NR6A1: variants seen among roughly 807,000 people sequenced by gnomAD.
The protein encoded by NR6A1 is nuclear receptor subfamily 6 group A member 1.
Under a neutral mutation model 59.1 loss-of-function variants are expected in NR6A1, and 7 were observed. That is an observed-to-expected ratio of 0.12 (90% CI 0.07 to 0.22). The LOEUF (loss-of-function observed/expected upper bound fraction) is 0.22. NR6A1 is among the 10% of genes least tolerant of loss of function. The pLI is 1.00. For missense variants in NR6A1, 468 were observed against 611.6 expected, an observed-to-expected ratio of 0.77 and a Z score of 2.48; for synonymous variants, 243 against 236.1, an observed-to-expected ratio of 1.03 and a Z score of -0.27.
chr9:124,686,773 G>A (rs530186917), intron 2 of NR6A1, among the ~76,000 whole-genome samples: 7 of 150,078 alleles, frequency 4.7e-5, no homozygotes, highest in Admixed American at 1.3e-4. Context: ...GCACAAACAC[G>A]GCTGACTGCA....
At chr9:124,684,867 G>A (rs933188907) in intron 2 of NR6A1, among the ~76,000 whole-genome samples, 1 of 152,062 alleles carries the variant, frequency 6.6e-6, no homozygotes, top group African/African-American at 2.4e-5. Flanking sequence ...CCAAATCCAA[G>A]TCAATGGTCC....
chr9:124,661,583 T>C (rs1258417014), intron 2 of NR6A1, among the ~76,000 whole-genome samples: 1 of 152,240 alleles, frequency 6.6e-6, no homozygotes, highest in Non-Finnish European at 1.5e-5. Context: ...TTCTAATCTA[T>C]TTGGTCCCAT....
intron 2 of NR6A1, among the ~76,000 whole-genome samples, chr9:124,564,308 A>G (rs983478512): frequency 1.3e-5 from 2 of 152,232 alleles, no homozygotes; most frequent in Non-Finnish European, 2.9e-5. Context: ...GAGACTGGAT[A>G]TAACACAAGG....
At chr9:124,593,644 C>G (rs1835191096) in intron 2 of NR6A1, among the ~76,000 whole-genome samples, 1 of 152,180 alleles carries the variant, frequency 6.6e-6, no homozygotes, top group South Asian at 2.1e-4. Context: ...AAAGGGCACT[C>G]AAGTATTTTT....
chr9:124,748,641 A>G (rs941390822), intron 1 of NR6A1, among the ~76,000 whole-genome samples: 1 of 151,910 alleles, frequency 6.6e-6, no homozygotes, highest in Non-Finnish European at 1.5e-5. Flanking sequence ...CAGGCAGATC[A>G]CGAGGTCAGG....
rs939238820 is a variant in NR6A1 at position 124,563,785 on chromosome 9, G to C, written c.143-9215C>G. On this transcript the variant is annotated intron_variant, in intron 2 of 9. Transcript: ENST00000487099. The stretch of plus-strand genomic sequence containing the variant: ...TCTTTTCCCCAAGCTAGCGATATAT[G>C]ATATGATACTCTCTTGCAATGCTGG... Among the ~76,000 whole-genome samples the C allele has an allele frequency of 2.6e-5, 4 of 152,292 alleles. No homozygotes were observed. The South Asian group carries it at 8.3e-4, about 32-fold the overall frequency.
At position 124,680,090 on chromosome 9, in the gene NR6A1, A is replaced by ATGTGTG. The variant is rs57251719; in HGVS notation, c.142+53212_142+53217dup. On this transcript the variant is annotated intron_variant, in intron 2 of 9. Coordinates refer to ENST00000487099, the MANE Select transcript of NR6A1 (RefSeq NM_033334.4). The stretch of plus-strand genomic sequence containing the variant: ...TGTGTTTATGTGTCTGTGTGTATGT[A>ATGTGTG]TGTGTGTGTGTGTGTGTGTGTGTGT... Among the ~76,000 whole-genome samples, 66 of 143,240 alleles carry ATGTGTG rather than the reference A, an allele frequency of 4.6e-4. No homozygotes were observed. In the Middle Eastern group the frequency reaches 0.011, roughly 24 times the overall value. The allele number at this position is 143,240 out of a possible 152,430, so 94.0% of individuals were successfully genotyped here.
chr9:124,660,236 A>G (rs1322140805), intron 2 of NR6A1, among the ~76,000 whole-genome samples: 2 of 152,240 alleles, frequency 1.3e-5, no homozygotes, highest in African/African-American at 4.8e-5. Context: ...ACTAAAAATT[A>G]AGAGAAAAGC....
intron 1 of NR6A1, among the ~76,000 whole-genome samples, chr9:124,763,522 A>T (rs1021522523): frequency 1.3e-5 from 2 of 152,266 alleles, no homozygotes; most frequent in African/African-American, 4.8e-5. Context: ...ACCATAAATA[A>T]ATTTAAGGAC....
chr9:124,712,923 TA>T (rs543028945), intron 2 of NR6A1, among the ~76,000 whole-genome samples: 3 of 151,966 alleles, frequency 2.0e-5, no homozygotes, highest in Non-Finnish European at 2.9e-5. Flanking sequence ...CCACTCATGA[TA>T]AAAAAAACTC....
rs140562959 is a variant in NR6A1 at position 124,630,968 on chromosome 9, G to C, written c.143-76398C>G. Among the ~76,000 whole-genome samples, 1,199 of 151,968 alleles carry C rather than the reference G, an allele frequency of 7.9e-3. 10 individuals carry two copies. Among genetic ancestry groups the C allele is most frequent in the African/African-American group, 0.027 (1,117 of 41,422 alleles). On this transcript the variant is annotated intron_variant, in intron 2 of 9. Coordinates refer to ENST00000487099, the MANE Select transcript of NR6A1 (RefSeq NM_033334.4). ...GATTACAGGCGTGAGCCACTATGCC[G>C]GGCCCTACATTTCTTGAAGTCTCAG... is the stretch of plus-strand genomic sequence containing the variant.
intron 2 of NR6A1, among the ~76,000 whole-genome samples, chr9:124,657,741 T>TC (rs145154858): frequency 0.02 from 3,007 of 149,694 alleles, 87 homozygotes; most frequent in African/African-American, 0.067. Flanking sequence ...TTTCATAGCT[T>TC]CCCCCCCCCA....
chr9:124,533,338 T>G (rs186460981), intron 7 of NR6A1, among the ~76,000 whole-genome samples: 48 of 152,342 alleles, frequency 3.2e-4, no homozygotes, highest in African/African-American at 1.1e-3. Flanking sequence ...TTAGGTCAAC[T>G]GCAAAATCAG....
At chr9:124,684,625 T>C (rs1289103723) in intron 2 of NR6A1, among the ~76,000 whole-genome samples, 2 of 152,172 alleles carry the variant, frequency 1.3e-5, no homozygotes, top group Non-Finnish European at 1.5e-5. Flanking sequence ...TTAAAATAAA[T>C]TCCTCCCCAG....
At chr9:124,596,044 G>A (rs1449837839) in intron 2 of NR6A1, among the ~76,000 whole-genome samples, 1 of 152,164 alleles carries the variant, frequency 6.6e-6, no homozygotes, top group Non-Finnish European at 1.5e-5. Context: ...TGCCTAGCAC[G>A]TCTTTCTGAA....
At chr9:124,669,789 G>T (rs1224664248) in intron 2 of NR6A1, among the ~76,000 whole-genome samples, 4 of 152,104 alleles carry the variant, frequency 2.6e-5, no homozygotes, top group African/African-American at 7.2e-5. Flanking sequence ...TAGAGATGGG[G>T]TTTCACTATG....
intron 2 of NR6A1, among the ~76,000 whole-genome samples, chr9:124,701,087 G>A (rs979072494): frequency 5.9e-5 from 9 of 152,128 alleles, no homozygotes; most frequent in Non-Finnish European, 8.8e-5. Flanking sequence ...ATGGACATAA[G>A]TTTTTAATTC....
At position 124,670,553 on chromosome 9, in the gene NR6A1, A is replaced by G. The variant is rs1017241510; in HGVS notation, c.142+62755T>C. ...TTATGTCTCCAGGTTAGCTCCACGC[A>G]GAGGCAGCTGACAAACACAGCTTCA... On this transcript the variant is annotated intron_variant, in intron 2 of 9. Transcript: ENST00000487099. 1.4e-4 allele frequency among the ~76,000 whole-genome samples: 21 copies of G among 149,242 alleles called. 1 individual carries two copies. Among genetic ancestry groups the G allele is most frequent in the Non-Finnish European group, 1.8e-4 (12 of 68,022 alleles).
At chr9:124,613,449 C>T (rs1354159514) in intron 2 of NR6A1, among the ~76,000 whole-genome samples, 2 of 152,086 alleles carry the variant, frequency 1.3e-5, no homozygotes, top group African/African-American at 4.8e-5. Context: ...GAGTTTGAGA[C>T]CAGCCTGGGC....
Sources: gnomAD v4.1 joint callset for allele counts (sites outside exome capture counted in the v4.1 genomes callset) on GRCh38, gnomAD v4.1.1 for gene constraint, MANE v1.5 for transcripts, NCBI Gene and HGNC (gene_info 2026-07-23, HGNC 2026-07-21) for gene names.